MAML1: variants seen among roughly 807,000 people sequenced by gnomAD.
MAML1 encodes mastermind-like protein 1.
A neutral mutation model predicts 77.1 loss-of-function variants in MAML1; 14 were observed. That is an observed-to-expected ratio of 0.18 (90% CI 0.12 to 0.28). The LOEUF is 0.28. MAML1 is among the 10% of genes least tolerant of loss of function. MAML1 has a pLI of 1.00. For synonymous variants in MAML1, 516 were observed against 551.9 expected, an observed-to-expected ratio of 0.93 and a Z score of 0.91; for missense variants, 1,217 against 1,327.8, an observed-to-expected ratio of 0.92 and a Z score of 1.30.
In MAML1 at chr5:179,766,051, A is replaced by T. The variant is rs1164684227; in HGVS notation, c.1041A>T (p.Leu347Phe). Residue 347 changes from leucine to phenylalanine, a missense_variant, in exon 2 of 5, where the codon TTA (leucine) becomes TTT (phenylalanine). Physicochemically the swap from Leu to Phe is conservative, Grantham distance 22. This residue lies in a region of MAML1 where 884 missense variants were observed against 949.3 expected (regional missense o/e 0.93). Coordinates refer to ENST00000292599, the MANE Select transcript of MAML1 (RefSeq NM_014757.5). This position sits in a 1 kb window ranked among gnomAD's most constrained non-coding sequence, Gnocchi z 4.0. ...DSPSLGGSQT[L>F]FHTSGQPRAD... ...CCAGCCTAGGGGGCTCCCAAACCTT[A>T]TTCCACACCTCTGGTCAGCCCCGGG... 5 of 1,589,994 alleles carry T rather than the reference A, an allele frequency of 3.1e-6. No homozygotes were observed. Among genetic ancestry groups the T allele is most frequent in the South Asian group, 1.1e-5 (1 of 87,216 alleles).
intron 2 of MAML1, among the ~76,000 whole-genome samples, chr5:179,768,287 ATC>A (rs1779858794): frequency 6.6e-6 from 1 of 152,130 alleles, no homozygotes; most frequent in Admixed American, 6.6e-5. Context: ...AGAAACCCCC[ATC>A]TCTACTAAAA....
chr5:179,769,987 G>A lies in MAML1; in HGVS notation c.1971+898G>A, dbSNP rs938249529. ...CTCACACAGCATACACTTCACCCAC[G>A]TAAGTGAACAATTTAGTCATTTTTA... On this transcript the variant is annotated intron_variant, in intron 3 of 4. Transcript: ENST00000292599. The surrounding 1 kb of genome is among the most constrained non-coding windows in gnomAD (Gnocchi z 4.2). 6.6e-6 allele frequency among the ~76,000 whole-genome samples: 1 copy of A among 152,180 alleles called. No homozygotes were observed. The highest frequency in any genetic ancestry group is 1.5e-5 in the Non-Finnish European group (1 of 68,022).
At chr5:179,762,858 A>G (rs1357844148) in intron 1 of MAML1, among the ~76,000 whole-genome samples, 1 of 152,162 alleles carries the variant, frequency 6.6e-6, no homozygotes, top group Non-Finnish European at 1.5e-5. Context: ...TATTCCAGTT[A>G]AATTTTGTGA....
At position 179,774,889 on chromosome 5, in the gene MAML1, G is replaced by A; in HGVS notation, c.*12G>A. Reference sequence around the variant, plus strand: ...TAGGGTCTCAGTAATGGAAGGATTTGTAGTGTTTTTAGTGTTCATTCATCC... The same window carrying A: ...TAGGGTCTCAGTAATGGAAGGATTTATAGTGTTTTTAGTGTTCATTCATCC... On this transcript the variant is annotated 3_prime_UTR_variant, in exon 5 of 5. Coordinates refer to ENST00000292599, the MANE Select transcript of MAML1 (RefSeq NM_014757.5). The A allele has an allele frequency of 6.3e-7, 1 of 1,584,578 alleles. No homozygotes were observed. The highest frequency in any genetic ancestry group is 8.6e-7 in the Non-Finnish European group (1 of 1,163,458).
Position 179,774,253 on chromosome 5 carries a change from G to A in MAML1, c.2427G>A (p.Gln809=). ...QNSLGSSGLS[Q]QHNKGTLNPG... Reference sequence around the variant, plus strand: ...CTCTGGGAAGCTCTGGCCTCTCCCAGCAGCACAATAAGGGGACCCTGAACC... The same window carrying A: ...CTCTGGGAAGCTCTGGCCTCTCCCAACAGCACAATAAGGGGACCCTGAACC... Residue 809 remains glutamine (Q), a synonymous_variant, in exon 5 of 5, where the codon CAG becomes CAA. Transcript: ENST00000292599. 6.2e-7 allele frequency: 1 copy of A among 1,613,458 alleles called. No individual in the cohort carries two copies. Among genetic ancestry groups the A allele is most frequent in the Non-Finnish European group, 8.5e-7 (1 of 1,179,916 alleles).
chr5:179,762,884 C>T (rs923993479), intron 1 of MAML1, among the ~76,000 whole-genome samples: 7 of 152,198 alleles, frequency 4.6e-5, no homozygotes, highest in Non-Finnish European at 1.0e-4. Context: ...TGACAAAATG[C>T]CCTACTGTTT....
chr5:179,766,091 C>T lies in MAML1; in HGVS notation c.1081C>T (p.Pro361Ser). The T allele has an allele frequency of 6.3e-7, 1 of 1,583,806 alleles. No individual in the cohort carries two copies. The highest frequency in any genetic ancestry group is 2.2e-5 in the East Asian group (1 of 44,622). Reference protein sequence around the residue: ...SGQPRADNPSPNLMPASAQAQ... With the variant: ...SGQPRADNPSSNLMPASAQAQ... ...TCAGCCCCGGGCGGACAATCCCAGTCCAAACCTGATGCCGGCATCAGCCCA... is the reference window on the plus strand; with the variant it reads ...TCAGCCCCGGGCGGACAATCCCAGTTCAAACCTGATGCCGGCATCAGCCCA... The change falls in exon 2 of 5, where the codon CCA (proline) becomes TCA (serine). Residue 361 changes from proline to serine, a missense_variant. Physicochemically the swap from Pro to Ser is moderately conservative, Grantham distance 74. This residue lies in a region of MAML1 where 884 missense variants were observed against 949.3 expected (regional missense o/e 0.93). Coordinates refer to ENST00000292599, the MANE Select transcript of MAML1 (RefSeq NM_014757.5). The surrounding 1 kb of genome is among the most constrained non-coding windows in gnomAD (Gnocchi z 4.0).
intron 1 of MAML1, among the ~76,000 whole-genome samples, chr5:179,755,621 C>T (rs1297802894): frequency 6.6e-6 from 1 of 151,938 alleles, no homozygotes; most frequent in Non-Finnish European, 1.5e-5. Context: ...GCTTGTCCAG[C>T]CTGCGGCCGA....
chr5:179,754,591 AAAAG>A (rs1232136712), intron 1 of MAML1, among the ~76,000 whole-genome samples: 2 of 152,122 alleles, frequency 1.3e-5, no homozygotes, highest in African/African-American at 2.4e-5. Context: ...CCCTGTCTCA[AAAAG>A]AAAAAAAAAA....
intron 3 of MAML1, among the ~76,000 whole-genome samples, chr5:179,770,033 A>G (rs993695850): frequency 6.6e-6 from 1 of 152,216 alleles, no homozygotes; most frequent in Admixed American, 6.5e-5. Context: ...GAGTTGTGCA[A>G]CCATTACCAC....
intron 4 of MAML1, 61 bp from the exon 5 acceptor site, chr5:179,773,834 A>C: frequency 6.5e-7 from 1 of 1,541,000 alleles, no homozygotes; most frequent in Non-Finnish European, 8.7e-7. Context: ...CTGCGGCTCG[A>C]GTCTCAGAGG....
intron 1 of MAML1, among the ~76,000 whole-genome samples, chr5:179,739,266 C>A (rs966853556): frequency 2.6e-5 from 4 of 152,172 alleles, no homozygotes; most frequent in African/African-American, 7.2e-5. Context: ...CCTGTAATCT[C>A]AGAACTTTTG....
intron 1 of MAML1, among the ~76,000 whole-genome samples, chr5:179,752,366 T>TATAC (rs1779511813): frequency 7.2e-6 from 1 of 138,354 alleles, no homozygotes; most frequent in African/African-American, 2.6e-5. Flanking sequence ...TATATATATA[T>TATAC]GGTTAAATAA....
intron 1 of MAML1, among the ~76,000 whole-genome samples, chr5:179,749,889 C>T (rs1324491538): frequency 1.7e-4 from 26 of 152,200 alleles, no homozygotes. Context: ...GCAGGTCCAG[C>T]GCCTGGTCCC....
At chr5:179,773,614 C>T (rs555963384) in intron 4 of MAML1, 1 of 426,816 alleles carries the variant, frequency 2.3e-6, no homozygotes, top group Non-Finnish European at 3.1e-6. Flanking sequence ...CCACAGGGTC[C>T]CCACAGAGCA....
chr5:179,759,935 G>T (rs1034691215), intron 1 of MAML1, among the ~76,000 whole-genome samples: 1 of 152,186 alleles, frequency 6.6e-6, no homozygotes, highest in Admixed American at 6.5e-5. Context: ...ACAGGACTTG[G>T]GTACCAGTTG....
chr5:179,742,238 C>T (rs1412479422), intron 1 of MAML1, among the ~76,000 whole-genome samples: 2 of 151,390 alleles, frequency 1.3e-5, no homozygotes, highest in East Asian at 4.0e-4. Context: ...CCTGTAATCC[C>T]AGCACTTTGG....
chr5:179,771,658 C>T lies in MAML1; in HGVS notation c.2068+415C>T, dbSNP rs1423306276. ...TGGCTTCTTTCTCTCCTCCTGTCTGCTCACTTGAATATCACAGATGGCAGC... is the reference window on the plus strand; with the variant it reads ...TGGCTTCTTTCTCTCCTCCTGTCTGTTCACTTGAATATCACAGATGGCAGC... On this transcript the variant is annotated intron_variant, in intron 4 of 4. Coordinates refer to ENST00000292599, the MANE Select transcript of MAML1 (RefSeq NM_014757.5). This position sits in a 1 kb window ranked among gnomAD's most constrained non-coding sequence, Gnocchi z 4.7. Among the ~76,000 whole-genome samples, 1 of 152,190 alleles carries T rather than the reference C, an allele frequency of 6.6e-6. No individual in the cohort carries two copies. The highest frequency in any genetic ancestry group is 1.5e-5 in the Non-Finnish European group (1 of 68,034).
chr5:179,755,094 T>G (rs1779584280), intron 1 of MAML1, among the ~76,000 whole-genome samples: 1 of 152,166 alleles, frequency 6.6e-6, no homozygotes, highest in Admixed American at 6.5e-5. Flanking sequence ...ATCAAATAGA[T>G]CTGTGTCCAA....
Sources: gnomAD v4.1 joint callset for allele counts (sites outside exome capture counted in the v4.1 genomes callset) on GRCh38, gnomAD v4.1.1 for gene constraint, gnomAD v4.1.1 regional missense constraint, Gnocchi (gnomAD v3.1) non-coding constraint, MANE v1.5 for transcripts, NCBI Gene and HGNC (gene_info 2026-07-23, HGNC 2026-07-21) for gene names.